The following MYO1E variants were observed in gnomAD, a reference collection of about 807,000 sequenced individuals.
MYO1E encodes myosin IE.
Under a neutral mutation model 151.1 loss-of-function variants are expected in MYO1E, and 68 were observed. That is an observed-to-expected ratio of 0.45 (90% CI 0.37 to 0.55). MYO1E has a LOEUF of 0.55. Ranked by LOEUF, MYO1E falls within the 20% of genes least tolerant of loss-of-function variation. The pLI is 0.00. For synonymous variants in MYO1E, 601 were observed against 501.7 expected (o/e 1.20, Z -2.64); for missense variants, 1,363 against 1,389.3 (o/e 0.98, Z 0.30).
At chr15:59,213,215 G>C (rs2140342062) in intron 12 of MYO1E, among the ~76,000 whole-genome samples, 1 of 151,276 alleles carries the variant, frequency 6.6e-6, no homozygotes, top group African/African-American at 2.4e-5. Flanking sequence ...CTGTCGCCAA[G>C]GCTGGAGTGC....
chr15:59,235,921 G>C (rs1255596386), intron 5 of MYO1E, among the ~76,000 whole-genome samples: 2 of 152,148 alleles, frequency 1.3e-5, no homozygotes, highest in Non-Finnish European at 2.9e-5. Context: ...TTCTTATCAT[G>C]ATGGTGAACA....
rs1471704358 is a variant in MYO1E at position 59,264,899 on chromosome 15, G to A, written c.148-3390C>T. ...ATTAGCCAAGCATGTTGGTTGGTAC[G>A]TGCCTGTAGTTCCTGCTGAGGTGGG... On this transcript the variant is annotated intron_variant, in intron 2 of 27. Transcript: ENST00000288235. The A allele has an allele frequency of 4.6e-5, 7 of 152,172 alleles. No individual in the cohort carries two copies. The South Asian group carries it at 6.2e-4, about 14-fold the overall frequency. 9.4% of individuals were successfully genotyped at this position (152,172 alleles called of 1,614,324 possible).
intron 1 of MYO1E, among the ~76,000 whole-genome samples, chr15:59,292,094 A>C (rs1449946353): frequency 6.6e-6 from 1 of 152,150 alleles, no homozygotes; most frequent in African/African-American, 2.4e-5. Flanking sequence ...TTCAGATCCT[A>C]TTGTTAAGTA....
intron 1 of MYO1E, among the ~76,000 whole-genome samples, chr15:59,364,265 G>C (rs1215826467): frequency 6.6e-6 from 1 of 152,194 alleles, no homozygotes; most frequent in South Asian, 2.1e-4. Context: ...CCAGAATCCA[G>C]GGGGAGCACC....
At chr15:59,305,818 A>C (rs1015230559) in intron 1 of MYO1E, among the ~76,000 whole-genome samples, 1 of 152,206 alleles carries the variant, frequency 6.6e-6, no homozygotes, top group Non-Finnish European at 1.5e-5. Context: ...GCCGTGTGAC[A>C]TAAGTGGAAG....
intron 15 of MYO1E, 149 bp downstream of exon 15, chr15:59,205,251 C>T: frequency 1.2e-6 from 1 of 828,260 alleles, no homozygotes; most frequent in Non-Finnish European, 2.1e-6. Flanking sequence ...CAGCCTCAAA[C>T]TCCTAGGATC....
chr15:59,362,345 A>T (rs2080890590), intron 1 of MYO1E, among the ~76,000 whole-genome samples: 1 of 152,132 alleles, frequency 6.6e-6, no homozygotes, highest in Non-Finnish European at 1.5e-5. Context: ...AACAAGCCAC[A>T]TGTATTTCTC....
chr15:59,232,540 A>T (rs899446911), intron 5 of MYO1E, among the ~76,000 whole-genome samples: 33 of 152,240 alleles, frequency 2.2e-4, no homozygotes, highest in Non-Finnish European at 2.4e-4. Context: ...CACACCATAG[A>T]CATGAGACAG....
chr15:59,370,150 CT>C lies in MYO1E; in HGVS notation c.3+2347del, dbSNP rs763152878. 7.9e-5 allele frequency among the ~76,000 whole-genome samples: 12 copies of C among 152,340 alleles called. No homozygotes were observed. In the South Asian group the frequency reaches 1.0e-3, roughly 13 times the overall value. On this transcript the variant is annotated intron_variant, in intron 1 of 27. Transcript: ENST00000288235. ...GATGAATTTTAGCCTCCATGCTAAT[CT>C]TCAGCCACACCCAAAGAAGGTAATG... is the stretch of plus-strand genomic sequence containing the variant.
At chr15:59,249,737 G>A (rs1366601658) in intron 4 of MYO1E, among the ~76,000 whole-genome samples, 1 of 152,142 alleles carries the variant, frequency 6.6e-6, no homozygotes, top group Non-Finnish European at 1.5e-5. Flanking sequence ...CTTAGCATGA[G>A]GAGCAGGCTT....
chr15:59,320,202 C>T (rs2080617073), intron 1 of MYO1E, among the ~76,000 whole-genome samples: 1 of 152,154 alleles, frequency 6.6e-6, no homozygotes, highest in African/African-American at 2.4e-5. Context: ...ACATTCCATG[C>T]TCATCCATTG....
intron 9 of MYO1E, among the ~76,000 whole-genome samples, chr15:59,219,970 G>C (rs1290824265): frequency 2.0e-5 from 3 of 152,220 alleles, no homozygotes; most frequent in Admixed American, 1.3e-4. Context: ...CCTGTGCACA[G>C]AGTAAGGACA....
intron 17 of MYO1E, among the ~76,000 whole-genome samples, chr15:59,192,639 G>A (rs1209758545): frequency 2.0e-5 from 3 of 152,204 alleles, no homozygotes; most frequent in East Asian, 3.9e-4. Flanking sequence ...GGGCAAGTGA[G>A]ATGTTTTCAT....
At chr15:59,351,595 G>A (rs2080823539) in intron 1 of MYO1E, among the ~76,000 whole-genome samples, 1 of 152,222 alleles carries the variant, frequency 6.6e-6, no homozygotes, top group South Asian at 2.1e-4. Context: ...TTGCGCTGAT[G>A]CTATTTCTGT....
chr15:59,174,327 G>T, intron 19 of MYO1E, 87 bp from the exon 20 acceptor site: 1 of 937,094 alleles, frequency 1.1e-6, no homozygotes, highest in Non-Finnish European at 1.8e-6. Context: ...GGGACCCTCA[G>T]TTTAGACAAT....
At chr15:59,348,396 T>C (rs1342767317) in intron 1 of MYO1E, among the ~76,000 whole-genome samples, 2 of 152,194 alleles carry the variant, frequency 1.3e-5, no homozygotes, top group African/African-American at 4.8e-5. Flanking sequence ...TGGTGTTGCA[T>C]CAAATTATGG....
At chr15:59,232,789 G>A (rs2080036168) in intron 5 of MYO1E, among the ~76,000 whole-genome samples, 1 of 152,216 alleles carries the variant, frequency 6.6e-6, no homozygotes, top group Non-Finnish European at 1.5e-5. Flanking sequence ...TCGTAGGGGT[G>A]TAGCAAAGAG....
At chr15:59,144,037 G>GT (rs1159888106) in intron 26 of MYO1E, among the ~76,000 whole-genome samples, 36 of 152,342 alleles carry the variant, frequency 2.4e-4, no homozygotes, top group Non-Finnish European at 4.0e-4. Flanking sequence ...TGTTGACAGT[G>GT]TGTAGCAGGA....
At chr15:59,224,862 C>A (rs1392974709) in intron 7 of MYO1E, 39 bp from the exon 8 acceptor site, 1 of 1,613,732 alleles carries the variant, frequency 6.2e-7, no homozygotes, top group Non-Finnish European at 8.5e-7. Context: ...TGATGTGGAC[C>A]ACAAGGCACC....
Sources: allele counts gnomAD v4.1 joint callset (sites outside exome capture counted in the v4.1 genomes callset), GRCh38; gene constraint gnomAD v4.1.1; transcripts MANE v1.5; gene names NCBI Gene and HGNC (gene_info 2026-07-23, HGNC 2026-07-21).